The following TEX101 variants were observed in gnomAD, a reference collection of about 807,000 sequenced individuals.
TEX101 encodes the protein testis-expressed protein 101.
A neutral mutation model predicts 18.1 loss-of-function variants in TEX101; 10 were observed. The ratio of observed to expected loss-of-function variants is 0.55; its 90% CI spans 0.34 to 0.94. TEX101 has a LOEUF of 0.94. Among genes scored for constraint, TEX101 ranks in the 40% least tolerant of loss-of-function variants. TEX101 has a pLI of 0.02. For synonymous variants in TEX101, 94 were observed against 114.8 expected (o/e 0.82, Z 1.16); for missense variants, 259 against 298.9 (o/e 0.87, Z 0.98).
At chr19:43,414,476 G>A (rs1248269480), upstream of TEX101, among the ~76,000 whole-genome samples, 1 of 152,190 alleles carries the variant, frequency 6.6e-6, no homozygotes, top group East Asian at 1.9e-4. Context: ...AGAGGCTAGG[G>A]CCACTAAGGT....
the TEX101 span, among the ~76,000 whole-genome samples, chr19:43,388,621 AACT>A: frequency 6.6e-6 from 1 of 152,054 alleles, no homozygotes; most frequent in Non-Finnish European, 1.5e-5. Flanking sequence ...ATTTAGGATG[AACT>A]ATGTGTGACA....
At chr19:43,414,851 C>A, upstream of TEX101, 1 of 985,370 alleles carries the variant, frequency 1.0e-6, no homozygotes, top group Non-Finnish European at 1.2e-6. Context: ...AATGGGGTTT[C>A]GAGTGCTGTG....
chr19:43,388,897 C>A, the TEX101 span, among the ~76,000 whole-genome samples: 1 of 152,136 alleles, frequency 6.6e-6, no homozygotes, highest in Non-Finnish European at 1.5e-5. Flanking sequence ...AACCCCCACC[C>A]AACCTACCCC....
chr19:43,392,214 G>A, the TEX101 span, among the ~76,000 whole-genome samples: 5 of 152,010 alleles, frequency 3.3e-5, no homozygotes, highest in African/African-American at 1.2e-4. Context: ...ACAGAGAGAA[G>A]GAGGGAGAGG....
At chr19:43,396,922 C>T (rs977391143), upstream of TEX101, among the ~76,000 whole-genome samples, 1 of 150,060 alleles carries the variant, frequency 6.7e-6, no homozygotes, top group African/African-American at 2.5e-5. Flanking sequence ...CTGCACGTTC[C>T]GCCTTCCGGG....
chr19:43,412,113 A>G (rs1339077498), upstream of TEX101, among the ~76,000 whole-genome samples: 3 of 152,190 alleles, frequency 2.0e-5, no homozygotes, highest in African/African-American at 7.2e-5. Context: ...TGCTATAAAG[A>G]AATACCTGAG....
chr19:43,396,525 T>C (rs563794614), upstream of TEX101, among the ~76,000 whole-genome samples: 545 of 152,338 alleles, frequency 3.6e-3, 3 homozygotes, highest in Middle Eastern at 0.014. Flanking sequence ...ACAACTGTCA[T>C]GTGTAACCCC....
upstream of TEX101, chr19:43,414,822 C>A: frequency 2.0e-6 from 2 of 984,228 alleles, no homozygotes; most frequent in Non-Finnish European, 2.4e-6. Context: ...TGAACTTATC[C>A]GATGCTTTTG....
the TEX101 span, among the ~76,000 whole-genome samples, chr19:43,392,353 A>G: frequency 3.3e-5 from 5 of 152,142 alleles, no homozygotes; most frequent in Admixed American, 6.6e-5. Context: ...TTGATTAAAA[A>G]TCAATGGTGT....
chr19:43,418,164 A>G lies in TEX101; in HGVS notation c.521-4A>G, dbSNP rs1391728873. The G allele has an allele frequency of 1.2e-6, 2 of 1,614,044 alleles. No individual in the cohort carries two copies. Among genetic ancestry groups the G allele is most frequent in the East Asian group, 4.5e-5 (2 of 44,884 alleles). ...GTCTCTCCCGATCCTTCCTTGTTCT[A>G]TAGGTGGCATTGAGTCGTCTGTGGA... On this transcript the variant is annotated splice_polypyrimidine_tract_variant and splice_region_variant and intron_variant, in intron 5 of 5. Coordinates refer to ENST00000598265, the MANE Select transcript of TEX101 (RefSeq NM_001130011.3).
intron 4 of TEX101, 98 bp downstream of exon 4, chr19:43,416,653 T>TCCATACC: frequency 8.2e-7 from 1 of 1,212,304 alleles, no homozygotes; most frequent in Non-Finnish European, 1.2e-6. Context: ...GCCTAAGTGG[T>TCCATACC]CCATACCCCA....
At chr19:43,410,873 A>T (rs983557707), upstream of TEX101, among the ~76,000 whole-genome samples, 12 of 151,766 alleles carry the variant, frequency 7.9e-5, no homozygotes, top group East Asian at 9.7e-4. Flanking sequence ...CAAAAAAAAA[A>T]TTTTTTTTTG....
intron 1 of TEX101, among the ~76,000 whole-genome samples, chr19:43,402,584 CTT>C (rs879497888): frequency 8.4e-5 from 12 of 143,636 alleles, no homozygotes; most frequent in Admixed American, 1.4e-4. Flanking sequence ...CTAAATCTGA[CTT>C]TTTTTTTTTT....
the TEX101 span, among the ~76,000 whole-genome samples, chr19:43,392,691 T>C: frequency 3.6e-3 from 545 of 151,512 alleles, 1 homozygote; most frequent in African/African-American, 0.012. Flanking sequence ...GAAAAAGAGA[T>C]GGACAGAGCT....
At chr19:43,397,824 A>ATATATAT (rs1970281439), upstream of TEX101, among the ~76,000 whole-genome samples, 1 of 109,620 alleles carries the variant, frequency 9.1e-6, no homozygotes, top group Non-Finnish European at 1.8e-5. Context: ...TAAATATATA[A>ATATATAT]AAATATATAT....
chr19:43,410,644 C>A (rs557978832), upstream of TEX101, among the ~76,000 whole-genome samples: 3 of 151,980 alleles, frequency 2.0e-5, no homozygotes, highest in African/African-American at 7.2e-5. Flanking sequence ...ATGCTGAGTA[C>A]ACAGAGATGG....
the TEX101 span, among the ~76,000 whole-genome samples, chr19:43,389,009 G>T: frequency 4.1e-4 from 63 of 152,134 alleles, 1 homozygote; most frequent in African/African-American, 8.9e-4. Context: ...CCACCCTCGA[G>T]GCATCGTAGC....
At chr19:43,401,362 C>G (rs1260141236), upstream of TEX101, 2 of 152,278 alleles carry the variant, frequency 1.3e-5, no homozygotes, top group African/African-American at 4.8e-5. Context: ...ATACAGTCCT[C>G]ACAGAGTCAC....
chr19:43,412,846 G>A (rs187550404), upstream of TEX101, among the ~76,000 whole-genome samples: 4 of 152,068 alleles, frequency 2.6e-5, no homozygotes, highest in East Asian at 3.9e-4. Flanking sequence ...TATACAAAGC[G>A]TTGCCTTACT....
Sources: allele counts gnomAD v4.1 joint callset (sites outside exome capture counted in the v4.1 genomes callset), GRCh38; gene constraint gnomAD v4.1.1; transcripts MANE v1.5; gene names NCBI Gene and HGNC (gene_info 2026-07-23, HGNC 2026-07-21).